The following STAG2 variants were observed in gnomAD, a reference collection of about 807,000 sequenced individuals.
STAG2 encodes the protein cohesin subunit SA-2.
In STAG2, 14 loss-of-function variants were observed where a neutral mutation model predicts 108.1. The observed-to-expected ratio is 0.13, with a 90% CI of 0.09 to 0.20. The LOEUF (loss-of-function observed/expected upper bound fraction) is 0.20, where lower values mean the gene tolerates loss of function less well. Ranked by LOEUF, STAG2 falls within the 10% of genes least tolerant of loss-of-function variation. STAG2 has a pLI of 1.00. For synonymous variants in STAG2, 307 were observed against 302.7 expected (o/e 1.01, Z -0.15); for missense variants, 440 against 940.9 (o/e 0.47, Z 6.96).
intron 6 of STAG2, among the ~76,000 whole-genome samples, chrX:124,038,487 G>C: frequency 9.1e-6 from 1 of 110,495 alleles, no homozygotes; most frequent in East Asian, 2.8e-4. Context: ...CTTAAAAATA[G>C]ATATAAAACG....
At chrX:124,087,010 C>T (rs952813791) in intron 30 of STAG2, among the ~76,000 whole-genome samples, 2 of 112,391 alleles carry the variant, frequency 1.8e-5, no homozygotes, top group Non-Finnish European at 3.8e-5. Flanking sequence ...AAGTAACATA[C>T]TCATGTCACA....
intron 23 of STAG2, 102 bp downstream of exon 23, chrX:124,066,538 C>T (rs1247594481): frequency 5.2e-6 from 3 of 575,788 alleles, no homozygotes; most frequent in Non-Finnish European, 2.8e-6. Context: ...TGAAATGTTG[C>T]TTGTTTCTAA....
intron 7 of STAG2, 142 bp from the exon 8 acceptor site, chrX:124,045,022 C>T (rs183058259): frequency 6.0e-6 from 3 of 503,457 alleles, no homozygotes; most frequent in African/African-American, 2.3e-5. Flanking sequence ...ATATTGTTCT[C>T]TTGCCTACTT....
intron 25 of STAG2, 95 bp downstream of exon 25, chrX:124,071,418 A>T: frequency 1.4e-6 from 1 of 718,506 alleles, no homozygotes; most frequent in Non-Finnish European, 2.0e-6. Context: ...AATATATTTT[A>T]TCCTTAAAAA....
At chrX:123,979,132 C>T (rs1295823258) in intron 1 of STAG2, among the ~76,000 whole-genome samples, 1 of 111,575 alleles carries the variant, frequency 9.0e-6, no homozygotes, top group Non-Finnish European at 1.9e-5. Flanking sequence ...ACTTTGCGGC[C>T]TTTGTACTTG....
At chrX:123,986,065 G>A (rs2055162711) in intron 1 of STAG2, among the ~76,000 whole-genome samples, 1 of 104,458 alleles carries the variant, frequency 9.6e-6, no homozygotes, top group South Asian at 4.0e-4. Context: ...ATATATATGT[G>A]TCATATATCA....
intron 32 of STAG2, among the ~76,000 whole-genome samples, chrX:124,093,038 T>C (rs994016876): frequency 7.2e-5 from 8 of 111,593 alleles, no homozygotes; most frequent in African/African-American, 2.6e-4. Flanking sequence ...TTGGCAACTT[T>C]CTTGACTGTG....
Position 124,049,084 on chromosome X carries a change from T to G in STAG2, c.893+6T>G. 1 of 1,168,818 alleles carries G rather than the reference T, an allele frequency of 8.6e-7. No individual in the cohort carries two copies. The highest frequency in any genetic ancestry group is 1.2e-6 in the Non-Finnish European group (1 of 862,561). ...GTGTTTGTACATAGATACCGGTAAG[T>G]TGTGACAGTTTTTTTCATAAATAGC... On this transcript the variant is annotated splice_donor_region_variant and intron_variant, in intron 10 of 34. Coordinates refer to ENST00000371145, the MANE Select transcript of STAG2 (RefSeq NM_001042750.2).
At chrX:124,026,510 A>G in intron 4 of STAG2, 1 of 197,586 alleles carries the variant, frequency 5.1e-6, no homozygotes, top group Non-Finnish European at 1.1e-5. Flanking sequence ...AGTATATTTG[A>G]CTCTGCATGT....
chrX:124,025,809 A>T, intron 3 of STAG2, 31 bp from the exon 4 acceptor site: 1 of 1,023,628 alleles, frequency 9.8e-7, no homozygotes, highest in African/African-American at 1.9e-5. Flanking sequence ...ATTTCTAAGG[A>T]AGGGTTTTAA....
chrX:123,979,396 A>G (rs1160431424), intron 1 of STAG2, among the ~76,000 whole-genome samples: 1 of 111,650 alleles, frequency 9.0e-6, no homozygotes. Context: ...TAACCCCAGC[A>G]CCTAGAACAG....
At chrX:123,998,632 AT>A (rs201441481) in intron 1 of STAG2, among the ~76,000 whole-genome samples, 8,352 of 107,304 alleles carry the variant, frequency 0.078, 350 homozygotes, top group Middle Eastern at 0.17. Context: ...CTATCTATCT[AT>A]CTAACTAACT....
chrX:124,016,243 G>A (rs976270465), intron 1 of STAG2, among the ~76,000 whole-genome samples: 5 of 110,569 alleles, frequency 4.5e-5, no homozygotes, highest in African/African-American at 9.9e-5. Context: ...AGGCTCAAGC[G>A]ATCCTCCCAC....
rs752959367 is a variant in STAG2, at chrX:124,065,868, A to G, written c.2026-8A>G. 2 of 1,130,915 alleles carry G rather than the reference A, an allele frequency of 1.8e-6. No individual in the cohort carries two copies. Among genetic ancestry groups the G allele is most frequent in the Admixed American group, 5.2e-5 (2 of 38,637 alleles). 93.2% of individuals were successfully genotyped at this position (1,130,915 alleles called of 1,213,427 possible). ...TGATGGTTCTTAATGTATAATTAAT[A>G]TTTATAGGGTGAAGAACCTGATGAA... is the stretch of plus-strand genomic sequence containing the variant. On this transcript the variant is annotated splice_polypyrimidine_tract_variant and splice_region_variant and intron_variant, in intron 20 of 34. Transcript: ENST00000371145.
chrX:123,964,711 G>A (rs1245906457), intron 1 of STAG2, among the ~76,000 whole-genome samples: 1 of 93,227 alleles, frequency 1.1e-5, no homozygotes, highest in African/African-American at 4.3e-5. Context: ...CAGAGAGGGT[G>A]GAGTGGGTTT....
intron 4 of STAG2, among the ~76,000 whole-genome samples, chrX:124,029,608 G>A (rs2057269339): frequency 8.9e-6 from 1 of 112,636 alleles, no homozygotes; most frequent in Non-Finnish European, 1.9e-5. Context: ...ACCACGCTGG[G>A]CTGTTTTTAT....
intron 1 of STAG2, among the ~76,000 whole-genome samples, chrX:123,994,729 T>C (rs1260772302): frequency 8.9e-6 from 1 of 111,776 alleles, no homozygotes; most frequent in African/African-American, 3.3e-5. Context: ...TGAAGAGCTA[T>C]TATGTGGATT....
intron 1 of STAG2, among the ~76,000 whole-genome samples, chrX:123,987,704 C>G (rs1228951775): frequency 2.7e-5 from 3 of 111,211 alleles, no homozygotes; most frequent in Non-Finnish European, 5.7e-5. Flanking sequence ...AATCAAGAGC[C>G]CTAAAGTAAA....
chrX:124,023,927 A>T (rs2057013090), intron 3 of STAG2, among the ~76,000 whole-genome samples: 1 of 111,715 alleles, frequency 9.0e-6, no homozygotes, highest in African/African-American at 3.3e-5. Flanking sequence ...CAGTCGTGTG[A>T]TAGATGACTC....
Sources: allele counts gnomAD v4.1 joint callset (sites outside exome capture counted in the v4.1 genomes callset), GRCh38; gene constraint gnomAD v4.1.1; transcripts MANE v1.5; gene names NCBI Gene and HGNC (gene_info 2026-07-23, HGNC 2026-07-21).